LRP1B: variants seen among roughly 807,000 people sequenced by gnomAD.
LRP1B encodes the protein low-density lipoprotein receptor-related protein 1B.
A neutral mutation model predicts 556.6 loss-of-function variants in LRP1B; 217 were observed. The ratio of observed to expected loss-of-function variants is 0.39; its 90% CI spans 0.35 to 0.44. The LOEUF is 0.44. Ranked by LOEUF, LRP1B falls within the 20% of genes least tolerant of loss-of-function variation. The pLI is 1.00. For missense variants in LRP1B, 5,053 were observed against 5,620.8 expected, an observed-to-expected ratio of 0.90 and a Z score of 3.23; for synonymous variants, 2,047 against 1,865.8, an observed-to-expected ratio of 1.10 and a Z score of -2.50.
At chr2:141,457,191 G>T (rs960881698) in intron 3 of LRP1B, among the ~76,000 whole-genome samples, 2 of 152,154 alleles carry the variant, frequency 1.3e-5, no homozygotes, top group Non-Finnish European at 2.9e-5. Context: ...ACATGTTTTG[G>T]GTCAGGGAAG....
intron 20 of LRP1B, among the ~76,000 whole-genome samples, chr2:140,933,819 T>A (rs879302608): frequency 6.6e-6 from 1 of 152,120 alleles, no homozygotes; most frequent in Non-Finnish European, 1.5e-5. Context: ...GGTTTTAATT[T>A]TCATGATAAG....
rs1438679106 is a variant in LRP1B, at chr2:141,169,373, ACTT to A, written c.1013+19045_1013+19047del. ...GGACGTATGTAAGGAATAAGAAAAA[ACTT>A]CTTCCAATTAGCAACAAGTTTTGGA... On this transcript the variant is annotated intron_variant, in intron 7 of 90. Coordinates refer to ENST00000389484, the MANE Select transcript of LRP1B (RefSeq NM_018557.3). Among the ~76,000 whole-genome samples, 4 of 151,720 alleles carry A rather than the reference ACTT, an allele frequency of 2.6e-5. No homozygotes were observed. The East Asian group carries it at 5.8e-4, about 22-fold the overall frequency.
At chr2:140,990,483 G>T (rs1444363060) in intron 16 of LRP1B, among the ~76,000 whole-genome samples, 1 of 151,646 alleles carries the variant, frequency 6.6e-6, no homozygotes, top group Non-Finnish European at 1.5e-5. Context: ...ACACAGAAAA[G>T]AAAATGAAAA....
At chr2:140,602,051 T>G (rs138197371) in intron 41 of LRP1B, among the ~76,000 whole-genome samples, 1 of 152,198 alleles carries the variant, frequency 6.6e-6, no homozygotes, top group African/African-American at 2.4e-5. Flanking sequence ...ATACTATAGA[T>G]CTGGAGATGT....
chr2:140,975,863 G>C (rs1696580934), intron 18 of LRP1B, among the ~76,000 whole-genome samples: 1 of 151,822 alleles, frequency 6.6e-6, no homozygotes, highest in African/African-American at 2.4e-5. Flanking sequence ...GATTTAACTG[G>C]GTAAAAATTC....
intron 3 of LRP1B, among the ~76,000 whole-genome samples, chr2:141,319,307 G>T (rs2890597): frequency 0.66 from 58,171 of 88,428 alleles, 16,758 homozygotes; most frequent in Middle Eastern, 0.85. Flanking sequence ...GTGTTTTTTT[G>T]TTGTTTTTTT....
At chr2:141,287,526 T>A (rs1202572609) in intron 3 of LRP1B, among the ~76,000 whole-genome samples, 1 of 152,092 alleles carries the variant, frequency 6.6e-6, no homozygotes, top group East Asian at 1.9e-4. Context: ...ACTAAATTTC[T>A]CTCTAAGCAA....
At chr2:142,118,950 C>G in intron 1 of LRP1B, among the ~76,000 whole-genome samples, 1 of 151,906 alleles carries the variant, frequency 6.6e-6, no homozygotes, top group Admixed American at 6.6e-5. Context: ...AATTTTGGAG[C>G]CAAATTATCA....
At chr2:140,955,310 A>AAT (rs1695840808) in intron 18 of LRP1B, among the ~76,000 whole-genome samples, 2 of 151,886 alleles carry the variant, frequency 1.3e-5, no homozygotes, top group African/African-American at 4.8e-5. Context: ...ATAGCATCTG[A>AAT]ATATATGGGT....
intron 87 of LRP1B, among the ~76,000 whole-genome samples, chr2:140,242,946 AAGAG>A (rs1179718989): frequency 6.6e-6 from 1 of 151,116 alleles, no homozygotes; most frequent in Non-Finnish European, 1.5e-5. Flanking sequence ...CAACTTAGGA[AAGAG>A]AGAGAAGTTT....
intron 6 of LRP1B, among the ~76,000 whole-genome samples, chr2:141,199,850 A>C (rs1184274137): frequency 6.6e-6 from 1 of 152,182 alleles, no homozygotes; most frequent in Non-Finnish European, 1.5e-5. Flanking sequence ...CACTGGAGAA[A>C]TGCAAATCAA....
intron 82 of LRP1B, among the ~76,000 whole-genome samples, chr2:140,317,252 G>T (rs1185350909): frequency 6.6e-6 from 1 of 151,998 alleles, no homozygotes; most frequent in Non-Finnish European, 1.5e-5. Flanking sequence ...TACTGGCAGG[G>T]GTTAAAATGG....
chr2:142,058,669 AG>A (rs1559047882), intron 1 of LRP1B, among the ~76,000 whole-genome samples: 1 of 152,092 alleles, frequency 6.6e-6, no homozygotes, highest in African/African-American at 2.4e-5. Flanking sequence ...CCTGCTTTAG[AG>A]CACTTTACTC....
chr2:140,680,244 A>G (rs115907673), intron 41 of LRP1B, among the ~76,000 whole-genome samples: 2,323 of 152,124 alleles, frequency 0.015, 65 homozygotes, highest in African/African-American at 0.052. Flanking sequence ...AGCTCCATGC[A>G]CTCCCACACG....
intron 75 of LRP1B, among the ~76,000 whole-genome samples, chr2:140,354,163 C>T (rs1682103850): frequency 6.6e-6 from 1 of 152,052 alleles, no homozygotes; most frequent in Non-Finnish European, 1.5e-5. Context: ...CTCATTTTAT[C>T]ACTTATAATC....
chr2:140,835,834 T>A (rs1239025885), intron 31 of LRP1B, among the ~76,000 whole-genome samples: 3 of 152,186 alleles, frequency 2.0e-5, no homozygotes. Context: ...CCACCGCACC[T>A]GGCCACATGC....
At chr2:142,033,466 T>C (rs1484049878) in intron 1 of LRP1B, among the ~76,000 whole-genome samples, 1 of 151,710 alleles carries the variant, frequency 6.6e-6, no homozygotes, top group Non-Finnish European at 1.5e-5. Flanking sequence ...ATCGTTTGCC[T>C]CCTGGAATCT....
intron 43 of LRP1B, among the ~76,000 whole-genome samples, chr2:140,571,834 A>G (rs1681333454): frequency 1.3e-5 from 2 of 151,810 alleles, no homozygotes. Flanking sequence ...AGATAACTTA[A>G]AAATAAAGTT....
At chr2:141,496,315 C>T (rs565663260) in intron 2 of LRP1B, among the ~76,000 whole-genome samples, 2 of 151,804 alleles carry the variant, frequency 1.3e-5, no homozygotes, top group African/African-American at 4.8e-5. Flanking sequence ...ATCTGAATCA[C>T]CTAGAGGTCT....
Sources: gnomAD v4.1 joint callset for allele counts (sites outside exome capture counted in the v4.1 genomes callset) on GRCh38, gnomAD v4.1.1 for gene constraint, MANE v1.5 for transcripts, NCBI Gene and HGNC (gene_info 2026-07-23, HGNC 2026-07-21) for gene names.